SEMA3E: variants seen among roughly 807,000 people sequenced by gnomAD.
SEMA3E encodes semaphorin 3E.
A neutral mutation model predicts 93.6 loss-of-function variants in SEMA3E; 49 were observed. The ratio of observed to expected loss-of-function variants is 0.52; its 90% CI spans 0.42 to 0.66. SEMA3E has a LOEUF of 0.66. Among genes scored for constraint, SEMA3E ranks in the 30% least tolerant of loss-of-function variants. The pLI is 0.00. For missense variants in SEMA3E, 906 were observed against 964.8 expected (o/e 0.94, Z 0.81); for synonymous variants, 363 against 330.7 (o/e 1.10, Z -1.06).
At chr7:83,435,394 G>A (rs1002445562) in intron 4 of SEMA3E, among the ~76,000 whole-genome samples, 2 of 152,090 alleles carry the variant, frequency 1.3e-5, no homozygotes, top group African/African-American at 4.8e-5. Flanking sequence ...AGGAGTTCGA[G>A]ACCAGCCTGG....
chr7:83,498,151 T>C (rs1466927473), intron 1 of SEMA3E, among the ~76,000 whole-genome samples: 1 of 152,128 alleles, frequency 6.6e-6, no homozygotes, highest in Non-Finnish European at 1.5e-5. Flanking sequence ...ATAATACATA[T>C]AAAAATATGT....
intron 16 of SEMA3E, chr7:83,372,281 C>T (rs1025692758): frequency 1.3e-5 from 5 of 397,784 alleles, no homozygotes; most frequent in African/African-American, 1.0e-4. Context: ...TAGGACATTG[C>T]CTTTACCTGA....
intron 1 of SEMA3E, among the ~76,000 whole-genome samples, chr7:83,560,062 G>A (rs1303616508): frequency 6.6e-6 from 1 of 152,024 alleles, no homozygotes; most frequent in East Asian, 1.9e-4. Context: ...GACTAGTGGT[G>A]GGCGGGCTGG....
chr7:83,590,033 A>T (rs1202664325), intron 1 of SEMA3E, among the ~76,000 whole-genome samples: 1 of 152,074 alleles, frequency 6.6e-6, no homozygotes, highest in African/African-American at 2.4e-5. Context: ...TCTTTTTTGG[A>T]TTGCAGAAAT....
intron 1 of SEMA3E, among the ~76,000 whole-genome samples, chr7:83,513,584 G>A (rs1311112273): frequency 6.6e-6 from 1 of 152,104 alleles, no homozygotes; most frequent in Non-Finnish European, 1.5e-5. Context: ...CTATATTTAG[G>A]TTATCTTTTA....
chr7:83,604,259 A>C (rs1162618632), intron 1 of SEMA3E, among the ~76,000 whole-genome samples: 2 of 151,990 alleles, frequency 1.3e-5, no homozygotes, highest in Non-Finnish European at 2.9e-5. Flanking sequence ...GAGAAAGGAA[A>C]CTTCTTTCTT....
At chr7:83,625,585 T>C (rs1226527005) in intron 1 of SEMA3E, among the ~76,000 whole-genome samples, 1 of 152,180 alleles carries the variant, frequency 6.6e-6, no homozygotes, top group Non-Finnish European at 1.5e-5. Flanking sequence ...ACGTTGCTTA[T>C]CAGCTTAAGG....
intron 3 of SEMA3E, among the ~76,000 whole-genome samples, chr7:83,467,098 T>C (rs557963041): frequency 7.4e-6 from 1 of 134,322 alleles, no homozygotes; most frequent in South Asian, 2.7e-4. Flanking sequence ...AGGGTCTCAC[T>C]CTGTTGCCCA....
At chr7:83,409,049 G>T (rs17214056) in intron 5 of SEMA3E, among the ~76,000 whole-genome samples, 28,308 of 152,056 alleles carry the variant, frequency 0.19, 3,082 homozygotes, top group Middle Eastern at 0.3. Context: ...GTAAATTTGT[G>T]GCTCAGTCAG....
intron 1 of SEMA3E, among the ~76,000 whole-genome samples, chr7:83,539,833 T>TTTTTTG (rs1554336369): frequency 6.5e-5 from 6 of 92,782 alleles, no homozygotes; most frequent in East Asian, 5.3e-4. Context: ...TAAGTTAACT[T>TTTTTTG]TTTTGTTTTG....
intron 1 of SEMA3E, among the ~76,000 whole-genome samples, chr7:83,575,400 A>T (rs940360213): frequency 1.3e-5 from 2 of 151,738 alleles, no homozygotes; most frequent in African/African-American, 4.8e-5. Flanking sequence ...AGATGAGGTA[A>T]TTTTTATCAT....
chr7:83,575,314 T>C (rs1792377034), intron 1 of SEMA3E, among the ~76,000 whole-genome samples: 2 of 151,334 alleles, frequency 1.3e-5, no homozygotes, highest in African/African-American at 2.4e-5. Flanking sequence ...GCATACAAGA[T>C]AGAGTCAAAT....
chr7:83,398,790 C>G (rs1788177989), intron 11 of SEMA3E, among the ~76,000 whole-genome samples: 1 of 151,882 alleles, frequency 6.6e-6, no homozygotes, highest in Non-Finnish European at 1.5e-5. Context: ...ACTAAAAATA[C>G]AAAATTAGGC....
intron 1 of SEMA3E, among the ~76,000 whole-genome samples, chr7:83,571,444 A>G (rs1220569535): frequency 6.6e-6 from 1 of 152,220 alleles, no homozygotes; most frequent in African/African-American, 2.4e-5. Context: ...AATATTATTC[A>G]CCACCCAAAC....
At chr7:83,371,082 T>A (rs2116896683) in intron 16 of SEMA3E, among the ~76,000 whole-genome samples, 1 of 152,298 alleles carries the variant, frequency 6.6e-6, no homozygotes, top group South Asian at 2.1e-4. Context: ...TATAAGGATT[T>A]TTTAAATTAT....
intron 9 of SEMA3E, among the ~76,000 whole-genome samples, chr7:83,404,700 G>A (rs1162775767): frequency 1.3e-5 from 2 of 151,908 alleles, no homozygotes; most frequent in African/African-American, 4.8e-5. Flanking sequence ...TCTTAAACTT[G>A]AGCAGCAAAT....
chr7:83,530,699 A>AAACCCC (rs1382459524), intron 1 of SEMA3E, among the ~76,000 whole-genome samples: 12 of 152,160 alleles, frequency 7.9e-5, no homozygotes, highest in Non-Finnish European at 1.8e-4. Context: ...CAAAATGGTG[A>AAACCCC]AACCCCATCT....
chr7:83,373,407 T>C (rs1794776442), intron 16 of SEMA3E, among the ~76,000 whole-genome samples: 2 of 152,240 alleles, frequency 1.3e-5, no homozygotes, highest in Non-Finnish European at 2.9e-5. Flanking sequence ...CACACATACA[T>C]ATGTATATAT....
chr7:83,465,417 A>C (rs1023113567), intron 4 of SEMA3E, among the ~76,000 whole-genome samples: 1 of 151,922 alleles, frequency 6.6e-6, no homozygotes, highest in South Asian at 2.1e-4. Context: ...ATAGATAGTT[A>C]ACAGCTGAAG....
Sources: allele counts gnomAD v4.1 joint callset (sites outside exome capture counted in the v4.1 genomes callset), GRCh38; gene constraint gnomAD v4.1.1; transcripts MANE v1.5; gene names NCBI Gene and HGNC (gene_info 2026-07-23, HGNC 2026-07-21).